Variants in NRXN3 observed in about 807,000 individuals in gnomAD.
NRXN3 encodes neurexin III.
In NRXN3, 32 loss-of-function variants were observed where a neutral mutation model predicts 137.6. The observed-to-expected ratio is 0.23, with a 90% confidence interval of 0.18 to 0.31. The LOEUF (loss-of-function observed/expected upper bound fraction) is 0.31. Among genes scored for constraint, NRXN3 ranks in the 10% least tolerant of loss-of-function variants. The pLI is 1.00. For missense variants in NRXN3, 1,574 were observed against 2,062.5 expected, an observed-to-expected ratio of 0.76 and a Z score of 4.59; for synonymous variants, 798 against 784.5, an observed-to-expected ratio of 1.02 and a Z score of -0.29.
chr14:78,900,223 AT>A (rs2099191130), intron 10 of NRXN3, among the ~76,000 whole-genome samples: 2 of 151,762 alleles, frequency 1.3e-5, no homozygotes, highest in Non-Finnish European at 2.9e-5. Context: ...TTCTATTGTT[AT>A]AGATGAGTAA....
chr14:78,593,200 G>T (rs1290434320), intron 4 of NRXN3, among the ~76,000 whole-genome samples: 3 of 152,290 alleles, frequency 2.0e-5, no homozygotes, highest in African/African-American at 7.2e-5. Flanking sequence ...ACCCTGTGAA[G>T]ATTTATAATG....
chr14:78,889,735 A>T (rs1319669227), intron 10 of NRXN3, among the ~76,000 whole-genome samples: 1 of 151,988 alleles, frequency 6.6e-6, no homozygotes, highest in Non-Finnish European at 1.5e-5. Context: ...GAGGTAAAAC[A>T]CACATACCAC....
rs940495175 is a variant in NRXN3 at position 78,989,844 on chromosome 14, G to A, written c.3262+1703G>A. Reference sequence around the variant, plus strand: ...GGAAGAGACTCTCCACACAGAACAGGTATAAAGGTAAGTTATCGTAACGTG... The same window carrying A: ...GGAAGAGACTCTCCACACAGAACAGATATAAAGGTAAGTTATCGTAACGTG... On this transcript the variant is annotated intron_variant, in intron 15 of 20. Coordinates refer to ENST00000335750, the MANE Select transcript of NRXN3 (RefSeq NM_001330195.2). Among the ~76,000 whole-genome samples, 6 of 152,158 alleles carry A rather than the reference G, an allele frequency of 3.9e-5. 1 individual carries two copies.
intron 16 of NRXN3, among the ~76,000 whole-genome samples, chr14:79,571,487 T>G (rs141902119): frequency 6.6e-6 from 1 of 151,986 alleles, no homozygotes; most frequent in Non-Finnish European, 1.5e-5. Flanking sequence ...ATGAGAGAAA[T>G]GAAGGCAGTC....
intron 16 of NRXN3, among the ~76,000 whole-genome samples, chr14:79,560,110 A>G (rs544619044): frequency 7.9e-5 from 12 of 152,286 alleles, no homozygotes; most frequent in African/African-American, 2.6e-4. Flanking sequence ...AAATTAATTT[A>G]CTATTTGCAA....
At chr14:79,257,571 G>GTGATGGTGGTGGTGGTGGTGGTGGTGA (rs2076940908) in intron 15 of NRXN3, among the ~76,000 whole-genome samples, 1 of 121,432 alleles carries the variant, frequency 8.2e-6, no homozygotes, top group African/African-American at 3.3e-5. Context: ...GGTGGTGGTG[G>GTGATGGTGGTGGTGGTGGTGGTGGTGA]TGGTGGTGAT....
At chr14:78,268,938 C>CT (rs1448243425) in intron 2 of NRXN3, among the ~76,000 whole-genome samples, 1 of 152,014 alleles carries the variant, frequency 6.6e-6, no homozygotes, top group Non-Finnish European at 1.5e-5. Flanking sequence ...CCACTAAAAC[C>CT]TTTTTTTGAC....
chr14:79,588,774 C>T (rs187692148), intron 16 of NRXN3, among the ~76,000 whole-genome samples: 4 of 152,254 alleles, frequency 2.6e-5, no homozygotes, highest in Non-Finnish European at 5.9e-5. Context: ...TTTGAGTTTT[C>T]ATGTCTGTTT....
intron 1 of NRXN3, among the ~76,000 whole-genome samples, chr14:78,193,003 C>G (rs2060888527): frequency 6.6e-6 from 1 of 152,096 alleles, no homozygotes; most frequent in Non-Finnish European, 1.5e-5. Context: ...TTTAGAAAGC[C>G]TGTTTGGCTT....
intron 6 of NRXN3, among the ~76,000 whole-genome samples, chr14:78,685,179 T>A (rs920329104): frequency 2.0e-5 from 3 of 152,228 alleles, no homozygotes; most frequent in African/African-American, 7.2e-5. Flanking sequence ...TAGCCTAAGC[T>A]ACCATCATTT....
intron 4 of NRXN3, among the ~76,000 whole-genome samples, chr14:78,380,410 A>G (rs2088856971): frequency 6.6e-6 from 1 of 152,000 alleles, no homozygotes. Flanking sequence ...AATTATTTTA[A>G]GAATCTTGAC....
intron 15 of NRXN3, among the ~76,000 whole-genome samples, chr14:79,291,068 T>G (rs1364720637): frequency 6.6e-6 from 1 of 152,208 alleles, no homozygotes; most frequent in Non-Finnish European, 1.5e-5. Flanking sequence ...CAAAGTTTTA[T>G]TGTTTATTTT....
chr14:78,747,860 C>T (rs1402156437), intron 8 of NRXN3, among the ~76,000 whole-genome samples: 2 of 152,208 alleles, frequency 1.3e-5, no homozygotes, highest in Non-Finnish European at 2.9e-5. Flanking sequence ...TGTCTCTTCT[C>T]CCTATGCCTT....
chr14:78,322,919 C>T (rs1012367383), intron 4 of NRXN3, among the ~76,000 whole-genome samples: 15 of 152,004 alleles, frequency 9.9e-5, no homozygotes, highest in African/African-American at 3.6e-4. Context: ...TAGCTATCTT[C>T]CCCGCACTAT....
intron 4 of NRXN3, among the ~76,000 whole-genome samples, chr14:78,414,421 AG>A (rs2093015931): frequency 6.6e-6 from 1 of 152,146 alleles, no homozygotes; most frequent in African/African-American, 2.4e-5. Context: ...TCTAGTCACC[AG>A]GGGAGTTGTC....
intron 4 of NRXN3, among the ~76,000 whole-genome samples, chr14:78,361,798 C>T (rs1290169704): frequency 1.3e-5 from 2 of 152,178 alleles, no homozygotes; most frequent in Non-Finnish European, 2.9e-5. Context: ...CCTCGACTTC[C>T]TAAAACGGCT....
chr14:78,189,768 T>A (rs747636214), intron 1 of NRXN3, among the ~76,000 whole-genome samples: 2 of 152,164 alleles, frequency 1.3e-5, no homozygotes, highest in Admixed American at 6.5e-5. Context: ...GTATTTTTAG[T>A]AGAGATGGGA....
intron 10 of NRXN3, among the ~76,000 whole-genome samples, chr14:78,815,475 C>CTTTGTTTTTTTT (rs1555508793): frequency 2.3e-5 from 1 of 43,370 alleles, no homozygotes; most frequent in African/African-American, 7.6e-5. Flanking sequence ...TAATTTGTTT[C>CTTTGTTTTTTTT]TTTCTTTTTT....
chr14:79,089,980 A>G (rs1595852504), intron 15 of NRXN3, among the ~76,000 whole-genome samples: 1 of 152,274 alleles, frequency 6.6e-6, no homozygotes. Context: ...TAATCATAAA[A>G]CTCATATTCA....
Sources: gnomAD v4.1 joint callset for allele counts (sites outside exome capture counted in the v4.1 genomes callset) on GRCh38, gnomAD v4.1.1 for gene constraint, MANE v1.5 for transcripts, NCBI Gene and HGNC (gene_info 2026-07-23, HGNC 2026-07-21) for gene names.